Variants in FAM117B observed in about 807,000 individuals in gnomAD.
The protein encoded by FAM117B is family with sequence similarity 117 member B, also known as protein FAM117B.
A neutral mutation model predicts 52.8 loss-of-function variants in FAM117B; 22 were observed. The observed-to-expected ratio is 0.42, with a 90% confidence interval of 0.30 to 0.59. The LOEUF (loss-of-function observed/expected upper bound fraction) is 0.59, where lower values mean the gene tolerates loss of function less well. Among genes scored for constraint, FAM117B ranks in the 20% least tolerant of loss-of-function variants. The pLI is 0.22. For synonymous variants in FAM117B, 309 were observed against 324.1 expected (o/e 0.95, Z 0.50); for missense variants, 678 against 802.6 (o/e 0.84, Z 1.88).
chr2:202,714,535 T>TC (rs1691010305), intron 2 of FAM117B, among the ~76,000 whole-genome samples: 2 of 143,790 alleles, frequency 1.4e-5, no homozygotes, highest in Admixed American at 1.4e-4. Context: ...TTTTTTTTCT[T>TC]TTTTTTTTTT....
intron 4 of FAM117B, among the ~76,000 whole-genome samples, chr2:202,746,043 A>T (rs1181014745): frequency 6.6e-6 from 1 of 152,200 alleles, no homozygotes; most frequent in African/African-American, 2.4e-5. Context: ...CAGATCATCT[A>T]TATAGAAAGT....
At chr2:202,749,199 C>CA (rs970436047) in intron 4 of FAM117B, among the ~76,000 whole-genome samples, 1 of 152,016 alleles carries the variant, frequency 6.6e-6, no homozygotes, top group Non-Finnish European at 1.5e-5. Flanking sequence ...TATGTCCCCC[C>CA]AGGAAAATAG....
chr2:202,742,129 A>T (rs1691552562), intron 4 of FAM117B, among the ~76,000 whole-genome samples: 1 of 152,216 alleles, frequency 6.6e-6, no homozygotes, highest in Admixed American at 6.5e-5. Context: ...TAAATTTAAC[A>T]CAATCCCAAT....
chr2:202,691,440 A>G (rs1009536088), intron 1 of FAM117B, among the ~76,000 whole-genome samples: 15 of 152,108 alleles, frequency 9.9e-5, no homozygotes, highest in African/African-American at 3.4e-4. Flanking sequence ...AATAATAATA[A>G]TCCAATAATT....
chr2:202,691,657 G>GTGTGTGTT, intron 1 of FAM117B, among the ~76,000 whole-genome samples: 1 of 128,558 alleles, frequency 7.8e-6, no homozygotes, highest in Admixed American at 7.7e-5. Context: ...CATTGTGTGT[G>GTGTGTGTT]TGTGTGTGTG....
At chr2:202,695,826 C>T in intron 1 of FAM117B, 55 bp from the exon 2 acceptor site, 1 of 1,519,194 alleles carries the variant, frequency 6.6e-7, no homozygotes, top group Non-Finnish European at 8.9e-7. Flanking sequence ...AACTTAGTTT[C>T]TGCTTTGTTT....
intron 1 of FAM117B, among the ~76,000 whole-genome samples, chr2:202,678,815 C>T (rs1480204698): frequency 6.6e-6 from 1 of 152,172 alleles, no homozygotes; most frequent in Non-Finnish European, 1.5e-5. Flanking sequence ...GCCTCTGCCT[C>T]CCAAAGTGTT....
chr2:202,762,244 C>T (rs1691901444), intron 7 of FAM117B, among the ~76,000 whole-genome samples: 1 of 152,000 alleles, frequency 6.6e-6, no homozygotes, highest in South Asian at 2.1e-4. Context: ...ACTGGGGGGT[C>T]GGGATGGGGT....
chr2:202,667,470 G>C (rs1324138902), intron 1 of FAM117B, among the ~76,000 whole-genome samples: 1 of 152,126 alleles, frequency 6.6e-6, no homozygotes, highest in Admixed American at 6.6e-5. Flanking sequence ...GTCTGTGTGT[G>C]TGTGTCTGTG....
In FAM117B at chr2:202,696,043, T is replaced by C. The variant is rs760940104; in HGVS notation, c.753+11T>C. 6.2e-7 allele frequency: 1 copy of C among 1,611,850 alleles called. No individual in the cohort carries two copies. The highest frequency in any genetic ancestry group is 1.7e-4 in the Middle Eastern group (1 of 6,050). Reference sequence around the variant, plus strand: ...GACAAAGCTACACAGGTAAGCTTATTATAGTTCTTATCCTGAAGTGTTTTT... The same window carrying C: ...GACAAAGCTACACAGGTAAGCTTATCATAGTTCTTATCCTGAAGTGTTTTT... On this transcript the variant is annotated intron_variant, in intron 2 of 7. Coordinates refer to ENST00000392238, the MANE Select transcript of FAM117B (RefSeq NM_173511.4).
intron 4 of FAM117B, among the ~76,000 whole-genome samples, chr2:202,749,579 A>G (rs1163053502): frequency 6.6e-6 from 1 of 152,066 alleles, no homozygotes; most frequent in Non-Finnish European, 1.5e-5. Flanking sequence ...CTGGTGATTG[A>G]CATGTATTTA....
At chr2:202,666,404 G>A (rs919738653) in intron 1 of FAM117B, among the ~76,000 whole-genome samples, 2 of 151,588 alleles carry the variant, frequency 1.3e-5, no homozygotes, top group Non-Finnish European at 1.5e-5. Context: ...GTTCACAAAC[G>A]CACACACATA....
chr2:202,724,337 C>T (rs755420492), intron 2 of FAM117B, among the ~76,000 whole-genome samples: 3 of 152,148 alleles, frequency 2.0e-5, no homozygotes, highest in Non-Finnish European at 2.9e-5. Flanking sequence ...GCCACCGCGC[C>T]CAGCCAGGTT....
rs34556556 is a variant in FAM117B at position 202,766,061 on chromosome 2, AACACAC to A, written c.*338_*343del. On this transcript the variant is annotated 3_prime_UTR_variant, in exon 8 of 8. Coordinates refer to ENST00000392238, the MANE Select transcript of FAM117B (RefSeq NM_173511.4). Reference sequence around the variant, plus strand: ...TTGTTTTCGAATTAGACTTCTTTAAAACACACACACACACACACACACACACACACA... The same window carrying A: ...TTGTTTTCGAATTAGACTTCTTTAAAACACACACACACACACACACACACA... 6,911 of 202,956 alleles carry A rather than the reference AACACAC, an allele frequency of 0.034. 166 individuals carry two copies. The highest frequency in any genetic ancestry group is 0.051 in the African/African-American group (2,024 of 39,818). 12.6% of individuals were successfully genotyped at this position (202,956 alleles called of 1,614,324 possible).
At chr2:202,652,018 A>G (rs1231220673) in intron 1 of FAM117B, among the ~76,000 whole-genome samples, 1 of 146,090 alleles carries the variant, frequency 6.8e-6, no homozygotes, top group African/African-American at 2.6e-5. Flanking sequence ...GTGCCATTGC[A>G]CTCCAGCCTG....
intron 4 of FAM117B, among the ~76,000 whole-genome samples, chr2:202,745,235 G>T (rs919401668): frequency 2.0e-5 from 3 of 151,322 alleles, no homozygotes; most frequent in Non-Finnish European, 4.4e-5. Flanking sequence ...AGTGGAGATT[G>T]TGTCACTGCA....
intron 1 of FAM117B, among the ~76,000 whole-genome samples, chr2:202,646,864 T>G (rs987513266): frequency 6.6e-6 from 1 of 152,190 alleles, no homozygotes; most frequent in Non-Finnish European, 1.5e-5. Context: ...AACAATAGTT[T>G]TATCCCCAGT....
At chr2:202,701,573 A>G (rs914726790) in intron 2 of FAM117B, among the ~76,000 whole-genome samples, 5 of 152,244 alleles carry the variant, frequency 3.3e-5, no homozygotes, top group African/African-American at 9.6e-5. Context: ...TTTGGAAAAG[A>G]TTCACCATTC....
chr2:202,670,284 CTTTCTTTTTTT>C (rs940305209), intron 1 of FAM117B, among the ~76,000 whole-genome samples: 10 of 149,974 alleles, frequency 6.7e-5, no homozygotes, highest in East Asian at 1.9e-4. Flanking sequence ...TTTTTCTTTT[CTTTCTTTTTTT>C]TTTCTTTTTT....
Sources: gnomAD v4.1 joint callset for allele counts (sites outside exome capture counted in the v4.1 genomes callset) on GRCh38, gnomAD v4.1.1 for gene constraint, MANE v1.5 for transcripts, NCBI Gene and HGNC (gene_info 2026-07-23, HGNC 2026-07-21) for gene names.